The following VAT1L variants were observed in gnomAD, a reference collection of about 807,000 sequenced individuals.
VAT1L encodes putative NADPH-dependent quinone oxidoreductase VAT1L.
A neutral mutation model predicts 44.1 loss-of-function variants in VAT1L; 34 were observed. The observed-to-expected ratio is 0.77, with a 90% confidence interval of 0.59 to 1.03. The LOEUF (loss-of-function observed/expected upper bound fraction) is 1.03. Ranked by LOEUF, VAT1L falls within the 50% of genes least tolerant of loss-of-function variation. The pLI is 0.00. For missense variants in VAT1L, 615 were observed against 538.8 expected (o/e 1.14, Z -1.40); for synonymous variants, 253 against 202.2 (o/e 1.25, Z -2.13).
chr16:77,837,219 T>G (rs1017752934), intron 3 of VAT1L, among the ~76,000 whole-genome samples: 4 of 152,120 alleles, frequency 2.6e-5, no homozygotes, highest in African/African-American at 9.7e-5. Flanking sequence ...ATTGCCTGGG[T>G]TTTCCCAGGA....
intron 7 of VAT1L, among the ~76,000 whole-genome samples, chr16:77,966,898 A>G (rs537014516): frequency 5.5e-5 from 8 of 146,762 alleles, no homozygotes; most frequent in Non-Finnish European, 1.2e-4. Context: ...TCTCTTGAAT[A>G]CAGTGGGGAA....
chr16:77,829,329 T>C (rs953777680), intron 3 of VAT1L, among the ~76,000 whole-genome samples: 5 of 152,180 alleles, frequency 3.3e-5, no homozygotes, highest in African/African-American at 1.2e-4. Flanking sequence ...GTTTCCTAAA[T>C]AGGGTTATGT....
intron 1 of VAT1L, among the ~76,000 whole-genome samples, chr16:77,791,536 G>T (rs528632839): frequency 2.0e-5 from 3 of 152,226 alleles, no homozygotes; most frequent in Admixed American, 6.5e-5. Context: ...TGAGTAATTT[G>T]CCAAAAACAT....
At chr16:77,974,122 C>T (rs894024320) in intron 8 of VAT1L, among the ~76,000 whole-genome samples, 1 of 152,196 alleles carries the variant, frequency 6.6e-6, no homozygotes, top group Non-Finnish European at 1.5e-5. Context: ...TTGTAAAACA[C>T]CCTCTTGTTA....
chr16:77,817,351 A>T (rs2016374756), intron 2 of VAT1L, among the ~76,000 whole-genome samples: 1 of 152,224 alleles, frequency 6.6e-6, no homozygotes, highest in Admixed American at 6.5e-5. Context: ...AAGTGTGCAT[A>T]GCCCCTTCCC....
At position 77,789,596 on chromosome 16, in the gene VAT1L, G is replaced by T. The variant is rs577762393; in HGVS notation, c.233+681G>T. ...GACGGGGAAAGGAACTAGGAAGGAAGAGGGTCGGTACCTTGCACCCAGGCT... is the reference window on the plus strand; with the variant it reads ...GACGGGGAAAGGAACTAGGAAGGAATAGGGTCGGTACCTTGCACCCAGGCT... On this transcript the variant is annotated intron_variant, in intron 1 of 8. Coordinates refer to ENST00000302536, the MANE Select transcript of VAT1L (RefSeq NM_020927.3). Among the ~76,000 whole-genome samples the T allele has an allele frequency of 5.9e-5, 9 of 152,292 alleles. No individual in the cohort carries two copies. In the South Asian group the frequency reaches 1.5e-3, roughly 25 times the overall value.
rs1567529347 is a variant in VAT1L, at chr16:77,979,067, A to G, written c.*1372A>G. The G allele has an allele frequency of 6.6e-6, 1 of 152,480 alleles. No homozygotes were observed. Among genetic ancestry groups the G allele is most frequent in the Non-Finnish European group, 1.5e-5 (1 of 68,046 alleles). The allele number at this position is 152,480 out of a possible 1,614,324, so 9.4% of individuals were successfully genotyped here. On this transcript the variant is annotated 3_prime_UTR_variant, in exon 9 of 9. Transcript: ENST00000302536. ...TTTACATTGCCCAGTTTCTCCACCAACAAGCCTTAGGGTGGACCCAACCCT... is the reference window on the plus strand; with the variant it reads ...TTTACATTGCCCAGTTTCTCCACCAGCAAGCCTTAGGGTGGACCCAACCCT...
At chr16:77,862,618 A>G (rs1323358145) in intron 3 of VAT1L, 130 bp from the exon 4 acceptor site, 9 of 876,274 alleles carry the variant, frequency 1.0e-5, no homozygotes, top group Admixed American at 3.1e-5. Context: ...GTGAGACTCC[A>G]TCTCTAAAAA....
At chr16:77,929,602 G>A (rs886697428) in intron 7 of VAT1L, among the ~76,000 whole-genome samples, 1 of 152,164 alleles carries the variant, frequency 6.6e-6, no homozygotes, top group African/African-American at 2.4e-5. Flanking sequence ...TTTTCAGGAC[G>A]GAGAGGGTGA....
intron 4 of VAT1L, among the ~76,000 whole-genome samples, chr16:77,868,470 G>T (rs2016998129): frequency 6.6e-6 from 1 of 152,216 alleles, no homozygotes; most frequent in Admixed American, 6.5e-5. Flanking sequence ...GAAGCCTGAA[G>T]AACACATGGG....
Position 77,846,410 on chromosome 16 carries a change from G to A in VAT1L, c.580-16338G>A, listed in dbSNP as rs189709880. On this transcript the variant is annotated intron_variant, in intron 3 of 8. Coordinates refer to ENST00000302536, the MANE Select transcript of VAT1L (RefSeq NM_020927.3). ...ATTTTACTGAACCCTTTGACCTCAC[G>A]ATTTCATACTGGTAGGGCTGCCGTA... Among the ~76,000 whole-genome samples the A allele has an allele frequency of 7.8e-4, 118 of 152,118 alleles. No individual in the cohort carries two copies. In the East Asian group the frequency reaches 9.5e-3, roughly 12 times the overall value.
intron 7 of VAT1L, among the ~76,000 whole-genome samples, chr16:77,944,081 C>A (rs1233817844): frequency 1.3e-5 from 2 of 152,034 alleles, no homozygotes; most frequent in Non-Finnish European, 2.9e-5. Context: ...TGGCAATGTC[C>A]GGAGACATTT....
At chr16:77,893,008 C>T (rs1197527072) in intron 7 of VAT1L, 4 of 618,000 alleles carry the variant, frequency 6.5e-6, no homozygotes, top group Admixed American at 2.3e-5. Context: ...AGTATCCTAT[C>T]ATCTTTGTGC....
At chr16:77,909,394 T>C (rs1178489312) in intron 7 of VAT1L, among the ~76,000 whole-genome samples, 2 of 152,132 alleles carry the variant, frequency 1.3e-5, no homozygotes, top group Non-Finnish European at 2.9e-5. Flanking sequence ...CCCAGCATGT[T>C]GGGAGGCCTA....
At chr16:77,961,909 T>C (rs2142535249) in intron 7 of VAT1L, among the ~76,000 whole-genome samples, 1 of 152,278 alleles carries the variant, frequency 6.6e-6, no homozygotes, top group Non-Finnish European at 1.5e-5. Flanking sequence ...CAGATGTGAA[T>C]ATTGTTGTCA....
rs574664698 is a variant in VAT1L, at chr16:77,978,021, G to A, written c.*326G>A. 3.4e-5 allele frequency: 8 copies of A among 233,290 alleles called. No homozygotes were observed. The highest frequency in any genetic ancestry group is 6.8e-5 in the Non-Finnish European group (8 of 116,938). The allele number at this position is 233,290 out of a possible 1,614,324, so 14.5% of individuals were successfully genotyped here. ...CCCAGGCCCAATGCCTAAGAGACCA[G>A]ACGTGGGCAAAGACAAGTTTGGATG... On this transcript the variant is annotated 3_prime_UTR_variant, in exon 9 of 9. Transcript: ENST00000302536.
intron 7 of VAT1L, among the ~76,000 whole-genome samples, chr16:77,896,162 GA>G (rs2142471672): frequency 6.6e-6 from 1 of 152,326 alleles, no homozygotes; most frequent in African/African-American, 2.4e-5. Context: ...GTGATTTTCA[GA>G]AACCTGAGAC....
chr16:77,810,514 T>C (rs1462715200), intron 1 of VAT1L, among the ~76,000 whole-genome samples: 1 of 152,128 alleles, frequency 6.6e-6, no homozygotes, highest in Non-Finnish European at 1.5e-5. Context: ...TAAGATGATA[T>C]AGAGGCCGGG....
chr16:77,877,937 G>T (rs773518006), intron 5 of VAT1L, among the ~76,000 whole-genome samples: 1 of 152,176 alleles, frequency 6.6e-6, no homozygotes, highest in Non-Finnish European at 1.5e-5. Context: ...GTCCCTGCAC[G>T]TTGCAAGGAT....
Sources: gnomAD v4.1 joint callset for allele counts (sites outside exome capture counted in the v4.1 genomes callset) on GRCh38, gnomAD v4.1.1 for gene constraint, MANE v1.5 for transcripts, NCBI Gene and HGNC (gene_info 2026-07-23, HGNC 2026-07-21) for gene names.